DRD2: variants seen among roughly 807,000 people sequenced by gnomAD.
DRD2 encodes the protein dopamine receptor D2.
Under a neutral mutation model 38.0 loss-of-function variants are expected in DRD2, and 8 were observed. That is an observed-to-expected ratio of 0.21 (90% CI 0.12 to 0.38). DRD2 has a LOEUF of 0.38. DRD2 is among the 10% of genes least tolerant of loss of function. The pLI, the probability that DRD2 is intolerant of heterozygous loss-of-function variation, is 1.00. For missense variants in DRD2, 403 were observed against 607.7 expected (o/e 0.66, Z 3.54); for synonymous variants, 230 against 238.6 (o/e 0.96, Z 0.33).
chr11:113,426,929 C>T (rs1204765000), intron 1 of DRD2, among the ~76,000 whole-genome samples: 1 of 152,244 alleles, frequency 6.6e-6, no homozygotes, highest in Non-Finnish European at 1.5e-5. Flanking sequence ...CATTCATTTA[C>T]TCAATCGGCA....
rs199634889 is a variant in DRD2 at position 113,417,258 on chromosome 11, A to T, written c.396-259T>A. 6.6e-5 allele frequency among the ~76,000 whole-genome samples: 10 copies of T among 152,250 alleles called. No individual in the cohort carries two copies. The East Asian group carries it at 1.7e-3, about 26-fold the overall frequency. ...CATATCTATTATTCTAACCGGCCCCACCTGGATTTCAGGCTTTTCGAAGAA... is the reference window on the plus strand; with the variant it reads ...CATATCTATTATTCTAACCGGCCCCTCCTGGATTTCAGGCTTTTCGAAGAA... On this transcript the variant is annotated intron_variant, in intron 3 of 7. Coordinates refer to ENST00000362072, the MANE Select transcript of DRD2 (RefSeq NM_000795.4).
chr11:113,410,866 T>C lies in DRD2; in HGVS notation c.1193A>G (p.His398Arg). Residue 398 changes from histidine (H) to arginine (R), a missense_variant, in exon 8 of 8, where the codon CAC becomes CGC. By Grantham distance (29) the His-to-Arg change is conservative. This residue lies in a region of DRD2 where 67 missense variants were observed against 136.1 expected (regional missense o/e 0.49). Coordinates refer to ENST00000362072, the MANE Select transcript of DRD2 (RefSeq NM_000795.4). Reference protein sequence around the residue: ...PFFITHILNIHCDCNIPPVLY... With the variant: ...PFFITHILNIRCDCNIPPVLY... ...GACAGGCGGGATGTTGCAGTCACAG[T>C]GTATGTTCAGGATGTGTGTGATGAA... is the stretch of plus-strand genomic sequence containing the variant. 1 of 1,613,928 alleles carries C rather than the reference T, an allele frequency of 6.2e-7. No homozygotes were observed. Among genetic ancestry groups the C allele is most frequent in the African/African-American group, 1.3e-5 (1 of 74,966 alleles).
At chr11:113,425,571 G>C (rs1048475410) in intron 1 of DRD2, among the ~76,000 whole-genome samples, 2 of 152,198 alleles carry the variant, frequency 1.3e-5, no homozygotes, top group Non-Finnish European at 2.9e-5. Context: ...TTTCGAATAG[G>C]TGATTCTGAC....
intron 1 of DRD2, among the ~76,000 whole-genome samples, chr11:113,469,084 T>C (rs1367961664): frequency 6.6e-6 from 1 of 152,148 alleles, no homozygotes; most frequent in African/African-American, 2.4e-5. Context: ...CAGAAGGTAA[T>C]GTCATCACAG....
chr11:113,414,286 G>T, intron 6 of DRD2, 89 bp downstream of exon 6: 2 of 1,272,740 alleles, frequency 1.6e-6, no homozygotes, highest in Non-Finnish European at 2.3e-6. Flanking sequence ...TTCTCCCATT[G>T]GCCAGCTTCT....
chr11:113,438,194 G>GT (rs199503197), intron 1 of DRD2, among the ~76,000 whole-genome samples: 2,136 of 149,526 alleles, frequency 0.014, 102 homozygotes, highest in East Asian at 0.12. Flanking sequence ...TATTTTTATT[G>GT]TTTTTTTTTT....
In DRD2 at chr11:113,414,524, C is replaced by G. The variant is rs929314322; in HGVS notation, c.724-63G>C. The G allele has an allele frequency of 8.4e-6, 13 of 1,542,166 alleles. No homozygotes were observed. The African/African-American group carries it at 9.6e-5, about 11-fold the overall frequency. ...TGGGGATGGAGGGGGGACAGAAACC[C>G]AAAGTGCAGCAGTCCATGGAACTCA... On this transcript the variant is annotated intron_variant, in intron 5 of 7. Transcript: ENST00000362072.
chr11:113,440,065 T>C (rs1177761010), intron 1 of DRD2, among the ~76,000 whole-genome samples: 1 of 152,008 alleles, frequency 6.6e-6, no homozygotes, highest in Non-Finnish European at 1.5e-5. Context: ...ATCATCTGCA[T>C]CTTCAAGGAA....
intron 1 of DRD2, among the ~76,000 whole-genome samples, chr11:113,472,245 A>G (rs1244982710): frequency 1.3e-5 from 2 of 152,252 alleles, no homozygotes; most frequent in East Asian, 3.8e-4. Flanking sequence ...TAACACTAAA[A>G]TGTAACTTTT....
chr11:113,462,381 A>G (rs1223557660), intron 1 of DRD2, among the ~76,000 whole-genome samples: 1 of 152,178 alleles, frequency 6.6e-6, no homozygotes, highest in Non-Finnish European at 1.5e-5. Context: ...TTAGTTAAGG[A>G]TAAGATAGGT....
intron 1 of DRD2, among the ~76,000 whole-genome samples, chr11:113,444,826 G>C (rs1244513731): frequency 6.6e-6 from 1 of 152,236 alleles, no homozygotes; most frequent in Non-Finnish European, 1.5e-5. Flanking sequence ...CTGGGGCTCT[G>C]ATATGAGCAC....
At chr11:113,433,801 C>G (rs1007418019) in intron 1 of DRD2, among the ~76,000 whole-genome samples, 3 of 152,102 alleles carry the variant, frequency 2.0e-5, no homozygotes, top group Non-Finnish European at 4.4e-5. Flanking sequence ...CAACCCGGGT[C>G]GCCTGCTCCA....
intron 1 of DRD2, among the ~76,000 whole-genome samples, chr11:113,448,865 G>T (rs561206881): frequency 2.5e-4 from 38 of 152,222 alleles, no homozygotes; most frequent in Admixed American, 1.9e-3. Context: ...GAGATGGGAG[G>T]GGTCAGCAGG....
chr11:113,457,331 A>G (rs762316880), intron 1 of DRD2, among the ~76,000 whole-genome samples: 6 of 152,182 alleles, frequency 3.9e-5, no homozygotes, highest in Non-Finnish European at 7.3e-5. Context: ...AGAAAGCTAC[A>G]AGTAAATAAC....
At position 113,439,838 on chromosome 11, in the gene DRD2, CAAAAAAAAAAAAAAAAA is replaced by C. The variant is rs67577307; in HGVS notation, c.-31-15173_-31-15157del. On this transcript the variant is annotated intron_variant, in intron 1 of 7. Coordinates refer to ENST00000362072, the MANE Select transcript of DRD2 (RefSeq NM_000795.4). ...TGGGTGACAGAGGGAGGCTCTGTCTCAAAAAAAAAAAAAAAAAAAAAAAAAAAAAAAAAAAAGCTAAG... is the reference window on the plus strand; with the variant it reads ...TGGGTGACAGAGGGAGGCTCTGTCTCAAAAAAAAAAAAAAAAAAAGCTAAG... 2.0e-3 allele frequency among the ~76,000 whole-genome samples: 32 copies of C among 16,254 alleles called. 1 individual carries two copies. The East Asian group carries it at 0.054, about 28-fold the overall frequency. 10.7% of individuals were successfully genotyped at this position (16,254 alleles called of 152,430 possible).
chr11:113,439,962 T>C (rs567418244), intron 1 of DRD2, among the ~76,000 whole-genome samples: 383 of 148,932 alleles, frequency 2.6e-3, no homozygotes, highest in Non-Finnish European at 4.6e-3. Flanking sequence ...TTAAGGTCTC[T>C]AGACAGGTCC....
At chr11:113,416,514 A>T (rs1565660988) in intron 4 of DRD2, among the ~76,000 whole-genome samples, 1 of 152,234 alleles carries the variant, frequency 6.6e-6, no homozygotes, top group Non-Finnish European at 1.5e-5. Flanking sequence ...AGCCTCCGCC[A>T]TCCCATGTTC....
At chr11:113,423,527 G>C (rs1950905837) in intron 2 of DRD2, among the ~76,000 whole-genome samples, 2 of 152,156 alleles carry the variant, frequency 1.3e-5, no homozygotes, top group African/African-American at 4.8e-5. Context: ...GCCTGCCTCG[G>C]CCTCCCAAAG....
chr11:113,461,820 C>T (rs913354481), intron 1 of DRD2, among the ~76,000 whole-genome samples: 3 of 152,178 alleles, frequency 2.0e-5, no homozygotes, highest in South Asian at 2.1e-4. Context: ...TTAATATGCA[C>T]ATCCAGCTGC....
Sources: allele counts gnomAD v4.1 joint callset (sites outside exome capture counted in the v4.1 genomes callset), GRCh38; gene constraint gnomAD v4.1.1; regional missense constraint gnomAD v4.1.1; transcripts MANE v1.5; gene names NCBI Gene and HGNC (gene_info 2026-07-23, HGNC 2026-07-21).